The following MGAT4C variants were observed in gnomAD, a reference collection of about 807,000 sequenced individuals.
MGAT4C encodes the protein MGAT4 family member C, also known as alpha-1,3-mannosyl-glycoprotein 4-beta-N-acetylglucosaminyltransferase C.
MGAT4C carries 19 observed loss-of-function variants against 40.1 expected under a neutral mutation model. That is an observed-to-expected ratio of 0.47 (90% CI 0.33 to 0.70). The LOEUF is 0.70. Ranked by LOEUF, MGAT4C falls within the 30% of genes least tolerant of loss-of-function variation. The pLI is 0.02. For synonymous variants in MGAT4C, 181 were observed against 187.1 expected (o/e 0.97, Z 0.27); for missense variants, 491 against 563.2 (o/e 0.87, Z 1.30).
At chr12:86,245,604 T>C (rs1951992632) in intron 1 of MGAT4C, among the ~76,000 whole-genome samples, 1 of 152,184 alleles carries the variant, frequency 6.6e-6, no homozygotes, top group African/African-American at 2.4e-5. Flanking sequence ...TTCCTAGGCA[T>C]AGTATTGTGC....
At chr12:86,002,781 T>C (rs1189868067) in intron 2 of MGAT4C, among the ~76,000 whole-genome samples, 1 of 151,426 alleles carries the variant, frequency 6.6e-6, no homozygotes, top group Non-Finnish European at 1.5e-5. Context: ...CTGTGGATGG[T>C]ATTATCAAAT....
intron 4 of MGAT4C, among the ~76,000 whole-genome samples, chr12:86,331,354 T>C (rs1986602): frequency 0.067 from 10,132 of 152,158 alleles, 812 homozygotes; most frequent in East Asian, 0.25. Context: ...TATACGCATG[T>C]ACAACTGTGG....
intron 2 of MGAT4C, among the ~76,000 whole-genome samples, chr12:86,706,120 A>C (rs1376988255): frequency 6.6e-6 from 1 of 152,156 alleles, no homozygotes; most frequent in East Asian, 1.9e-4. Context: ...TTGTATGATG[A>C]AAAACAAAAC....
In MGAT4C at chr12:86,669,640, G is replaced by A. The variant is rs1232466770; in HGVS notation, c.-229+57569C>T. Reference sequence around the variant, plus strand: ...GGAGCTGGTGCTCATGTCTGCCACTGGGGGACCTGTAGGCAGACCTGGCCA... The same window carrying A: ...GGAGCTGGTGCTCATGTCTGCCACTAGGGGACCTGTAGGCAGACCTGGCCA... On this transcript the variant is annotated intron_variant, in intron 2 of 7. Coordinates refer to the MGAT4C transcript ENST00000548651. 3.3e-5 allele frequency among the ~76,000 whole-genome samples: 5 copies of A among 152,336 alleles called. No individual in the cohort carries two copies. In the East Asian group the frequency reaches 9.7e-4, roughly 29 times the overall value.
intron 2 of MGAT4C, among the ~76,000 whole-genome samples, chr12:86,649,239 C>T (rs968236998): frequency 6.6e-6 from 1 of 151,730 alleles, no homozygotes; most frequent in African/African-American, 2.4e-5. Context: ...CTATAAGCTT[C>T]AGGGAATTTC....
intron 1 of MGAT4C, among the ~76,000 whole-genome samples, chr12:86,102,142 G>A (rs562525764): frequency 6.6e-6 from 1 of 152,068 alleles, no homozygotes; most frequent in East Asian, 1.9e-4. Flanking sequence ...GTTAGTGGGA[G>A]AGGAACCAAA....
intron 2 of MGAT4C, among the ~76,000 whole-genome samples, chr12:86,659,577 A>C (rs1383124042): frequency 6.6e-6 from 1 of 152,144 alleles, no homozygotes. Flanking sequence ...AATGAAGGGT[A>C]GGATAGTAAG....
At chr12:86,761,159 C>T (rs2136152152) in intron 1 of MGAT4C, among the ~76,000 whole-genome samples, 1 of 152,154 alleles carries the variant, frequency 6.6e-6, no homozygotes, top group East Asian at 1.9e-4. Context: ...TTGTGGTTGG[C>T]CTCCATGGAA....
chr12:86,371,384 G>T (rs1955711768), intron 3 of MGAT4C, among the ~76,000 whole-genome samples: 1 of 151,926 alleles, frequency 6.6e-6, no homozygotes, highest in Admixed American at 6.6e-5. Flanking sequence ...GCTGCTAAAG[G>T]GATCTTTCCA....
At chr12:86,339,078 C>T (rs1187592795) in intron 3 of MGAT4C, among the ~76,000 whole-genome samples, 4 of 151,388 alleles carry the variant, frequency 2.6e-5, no homozygotes, top group Non-Finnish European at 4.4e-5. Flanking sequence ...CATTTAATGC[C>T]GAAAACAACC....
intron 2 of MGAT4C, among the ~76,000 whole-genome samples, chr12:86,536,052 T>C (rs1433695303): frequency 6.6e-6 from 1 of 152,060 alleles, no homozygotes; most frequent in Non-Finnish European, 1.5e-5. Context: ...TAATAATGAG[T>C]ACAATGCATA....
At chr12:86,351,577 G>A (rs1008282477) in intron 3 of MGAT4C, among the ~76,000 whole-genome samples, 2 of 151,898 alleles carry the variant, frequency 1.3e-5, no homozygotes, top group Non-Finnish European at 2.9e-5. Flanking sequence ...AAAATTATCA[G>A]AAACTATAAA....
rs997754692 is a variant in MGAT4C, at chr12:85,965,955, G to C, written c.*13334C>G. 6.6e-6 allele frequency: 1 copy of C among 152,060 alleles called. No homozygotes were observed. Among genetic ancestry groups the C allele is most frequent in the African/African-American group, 2.4e-5 (1 of 41,414 alleles). 9.4% of individuals were successfully genotyped at this position (152,060 alleles called of 1,614,324 possible). A position where few individuals can be genotyped will look rare whatever the true frequency, so the allele number is the denominator to read the frequency against. ...ATAGAAAGAGATGGCCCAGGATACA[G>C]AGGGCACTCCTTAAATAGCTGCCAA... On this transcript the variant is annotated 3_prime_UTR_variant, in exon 5 of 5. Coordinates refer to ENST00000611864, the MANE Select transcript of MGAT4C (RefSeq NM_001351288.2).
At chr12:86,121,837 C>G (rs771578627) in intron 1 of MGAT4C, among the ~76,000 whole-genome samples, 2 of 152,124 alleles carry the variant, frequency 1.3e-5, no homozygotes, top group African/African-American at 4.8e-5. Flanking sequence ...TACATGTAAC[C>G]AATTGTTCCC....
intron 2 of MGAT4C, among the ~76,000 whole-genome samples, chr12:86,047,655 A>G (rs187219074): frequency 6.6e-6 from 1 of 152,286 alleles, no homozygotes; most frequent in East Asian, 1.9e-4. Context: ...AACAAACCTC[A>G]TGGCGAAAAA....
chr12:86,607,469 GTGTT>G (rs1225692642), intron 2 of MGAT4C, among the ~76,000 whole-genome samples: 1 of 151,836 alleles, frequency 6.6e-6, no homozygotes, highest in Non-Finnish European at 1.5e-5. Flanking sequence ...TGTCTCTTTG[GTGTT>G]TGTATCCATT....
chr12:86,636,796 T>C (rs894325500), intron 2 of MGAT4C, among the ~76,000 whole-genome samples: 31 of 152,042 alleles, frequency 2.0e-4, no homozygotes, highest in Non-Finnish European at 3.1e-4. Flanking sequence ...AGTTGTTTTA[T>C]ATATTTTAAA....
intron 1 of MGAT4C, among the ~76,000 whole-genome samples, chr12:86,826,809 C>T (rs539711552): frequency 2.4e-4 from 37 of 151,220 alleles, no homozygotes; most frequent in Admixed American, 2.3e-3. Context: ...GGGGGAGGTT[C>T]CACCAAATAT....
intron 2 of MGAT4C, among the ~76,000 whole-genome samples, chr12:86,621,731 G>T (rs572054354): frequency 6.6e-6 from 1 of 152,276 alleles, no homozygotes; most frequent in South Asian, 2.1e-4. Flanking sequence ...TCCTACCTCA[G>T]TCTCCAAAAA....
Sources: allele counts gnomAD v4.1 joint callset (sites outside exome capture counted in the v4.1 genomes callset), GRCh38; gene constraint gnomAD v4.1.1; transcripts MANE v1.5; gene names NCBI Gene and HGNC (gene_info 2026-07-23, HGNC 2026-07-21).